MGAT5: variants seen among roughly 807,000 people sequenced by gnomAD.
The protein encoded by MGAT5 is alpha-1,6-mannosylglycoprotein 6-beta-N-acetylglucosaminyltransferase A.
In MGAT5, 30 loss-of-function variants were observed where a neutral mutation model predicts 94.3. That is an observed-to-expected ratio of 0.32 (90% CI 0.24 to 0.43). The LOEUF is 0.43. Among genes scored for constraint, MGAT5 ranks in the 20% least tolerant of loss-of-function variants. The pLI is 1.00. For missense variants in MGAT5, 691 were observed against 905.5 expected, an observed-to-expected ratio of 0.76 and a Z score of 3.04; for synonymous variants, 310 against 322.9, an observed-to-expected ratio of 0.96 and a Z score of 0.43.
intron 10 of MGAT5, among the ~76,000 whole-genome samples, chr2:134,367,694 TCTGTATGATTGAGGCTGGTGGATGGCC>T: frequency 6.6e-6 from 1 of 152,336 alleles, no homozygotes; most frequent in Admixed American, 6.5e-5. Flanking sequence ...ATTGTATTCT[TCTGTATGATTGAGGCTGGTGGATGGCC>T]AATATGTGGA....
intron 2 of MGAT5, among the ~76,000 whole-genome samples, chr2:134,287,125 C>T (rs1268274681): frequency 6.6e-6 from 1 of 152,126 alleles, no homozygotes; most frequent in Non-Finnish European, 1.5e-5. Context: ...TATTCCTACC[C>T]CTTCTCTCAT....
intron 2 of MGAT5, among the ~76,000 whole-genome samples, chr2:134,270,913 G>C (rs768605861): frequency 6.6e-6 from 1 of 152,170 alleles, no homozygotes; most frequent in Non-Finnish European, 1.5e-5. Context: ...AGACAATTTT[G>C]AAAGTCTGTT....
At chr2:134,375,371 A>G (rs940161176) in intron 10 of MGAT5, among the ~76,000 whole-genome samples, 23 of 152,188 alleles carry the variant, frequency 1.5e-4, no homozygotes, top group African/African-American at 5.5e-4. Context: ...AGCCTAAATA[A>G]ATACATTTAT....
At chr2:134,163,269 T>C (rs1424678527) in intron 1 of MGAT5, among the ~76,000 whole-genome samples, 3 of 152,206 alleles carry the variant, frequency 2.0e-5, no homozygotes, top group South Asian at 4.1e-4. Flanking sequence ...CTGGAGGGCC[T>C]TGGGGGCCAG....
At chr2:134,237,942 T>C (rs528090409) in intron 1 of MGAT5, among the ~76,000 whole-genome samples, 1 of 152,062 alleles carries the variant, frequency 6.6e-6, no homozygotes, top group East Asian at 1.9e-4. Flanking sequence ...GTAGAGATGG[T>C]GTTTCACCAT....
At chr2:134,388,524 A>C (rs1363874678) in intron 10 of MGAT5, among the ~76,000 whole-genome samples, 1 of 152,128 alleles carries the variant, frequency 6.6e-6, no homozygotes, top group Admixed American at 6.5e-5. Context: ...GATTTCTTAG[A>C]TTGTCTCGAT....
chr2:134,253,490 G>A (rs573987018), upstream of MGAT5, among the ~76,000 whole-genome samples: 1 of 152,312 alleles, frequency 6.6e-6, no homozygotes, highest in Admixed American at 6.5e-5. Flanking sequence ...AAACTACTCT[G>A]CCTTTTAATG....
chr2:134,448,857 G>C lies in MGAT5; in HGVS notation c.*10G>C, dbSNP rs1685943965. 6.2e-7 allele frequency: 1 copy of C among 1,610,482 alleles called. No homozygotes were observed. The highest frequency in any genetic ancestry group is 1.7e-5 in the Admixed American group (1 of 59,636). Reference sequence around the variant, plus strand: ...CAAAGACTGCCTATAGCAGCTACCTGCTCAGCCCTGCACCATGCTGCTGGG... The same window carrying C: ...CAAAGACTGCCTATAGCAGCTACCTCCTCAGCCCTGCACCATGCTGCTGGG... On this transcript the variant is annotated 3_prime_UTR_variant, in exon 16 of 16. Coordinates refer to ENST00000281923, the MANE Select transcript of MGAT5 (RefSeq NM_002410.5).
chr2:134,318,536 T>C (rs890419761), intron 3 of MGAT5, 114 bp from the exon 4 acceptor site: 18 of 765,556 alleles, frequency 2.4e-5, no homozygotes, highest in Admixed American at 6.3e-5. Flanking sequence ...CTCAGTTCTT[T>C]AGGCCACAGC....
chr2:134,204,459 T>C (rs571942741), intron 1 of MGAT5, among the ~76,000 whole-genome samples: 2 of 151,832 alleles, frequency 1.3e-5, no homozygotes, highest in Non-Finnish European at 2.9e-5. Context: ...TGTCCTGGGG[T>C]TAAGTGAGGG....
At chr2:134,365,440 A>G (rs1191064927) in intron 10 of MGAT5, among the ~76,000 whole-genome samples, 1 of 152,252 alleles carries the variant, frequency 6.6e-6, no homozygotes, top group Non-Finnish European at 1.5e-5. Context: ...TTCATGTTGG[A>G]AAACAGAGTC....
chr2:134,413,085 G>C, intron 12 of MGAT5, 70 bp downstream of exon 12: 2 of 1,550,560 alleles, frequency 1.3e-6, no homozygotes, highest in South Asian at 2.3e-5. Flanking sequence ...TGCTCATGTA[G>C]GTATTAACTT....
intron 1 of MGAT5, among the ~76,000 whole-genome samples, chr2:134,170,986 G>A (rs1277094127): frequency 1.3e-5 from 2 of 151,564 alleles, no homozygotes; most frequent in Non-Finnish European, 1.5e-5. Context: ...CAGCCTCCCT[G>A]AGTAACTGGG....
At chr2:134,248,115 A>G (rs2105477801) in intron 1 of MGAT5, among the ~76,000 whole-genome samples, 1 of 152,322 alleles carries the variant, frequency 6.6e-6, no homozygotes, top group African/African-American at 2.4e-5. Flanking sequence ...GGGTTTTACT[A>G]CTAAGGGTAA....
At chr2:134,128,307 G>A (rs1228271283) in intron 1 of MGAT5, among the ~76,000 whole-genome samples, 2 of 152,158 alleles carry the variant, frequency 1.3e-5, no homozygotes, top group Non-Finnish European at 2.9e-5. Flanking sequence ...TGATCAGAGA[G>A]CTGCAGGTTT....
At chr2:134,419,442 T>TTGTGTGTGTGTGTGTGTGTGTGTG (rs56181696) in intron 12 of MGAT5, among the ~76,000 whole-genome samples, 1 of 134,136 alleles carries the variant, frequency 7.5e-6, no homozygotes, top group Non-Finnish European at 1.6e-5. Context: ...GCTTCAGGGT[T>TTGTGTGTGTGTGTGTGTGTGTGTG]TGTGTGTGTG....
intron 4 of MGAT5, among the ~76,000 whole-genome samples, chr2:134,320,670 G>T (rs1166402856): frequency 6.6e-6 from 1 of 152,140 alleles, no homozygotes; most frequent in African/African-American, 2.4e-5. Flanking sequence ...AGCTGGTGAT[G>T]CCATGCAGGA....
At chr2:134,382,288 C>T (rs1196703876) in intron 10 of MGAT5, among the ~76,000 whole-genome samples, 1 of 151,894 alleles carries the variant, frequency 6.6e-6, no homozygotes, top group Non-Finnish European at 1.5e-5. Context: ...CCAGGCCCAG[C>T]TCCAGATCAG....
At chr2:134,200,771 C>T (rs556019221) in intron 1 of MGAT5, among the ~76,000 whole-genome samples, 7 of 152,172 alleles carry the variant, frequency 4.6e-5, no homozygotes, top group Admixed American at 6.5e-5. Flanking sequence ...GTGATCCTAG[C>T]GTCTTGGGAG....
Sources: gnomAD v4.1 joint callset for allele counts (sites outside exome capture counted in the v4.1 genomes callset) on GRCh38, gnomAD v4.1.1 for gene constraint, MANE v1.5 for transcripts, NCBI Gene and HGNC (gene_info 2026-07-23, HGNC 2026-07-21) for gene names.